Variants in PRUNE2 observed in about 807,000 individuals in gnomAD.
PRUNE2 encodes prune homolog 2 with BCH domain.
In PRUNE2, 164 loss-of-function variants were observed where a neutral mutation model predicts 252.0. That is an observed-to-expected ratio of 0.65 (90% CI 0.57 to 0.74). PRUNE2 has a LOEUF of 0.74. PRUNE2 is among the 30% of genes least tolerant of loss of function. The pLI is 0.00. For synonymous variants in PRUNE2, 1,292 were observed against 1,350.2 expected (o/e 0.96, Z 0.94); for missense variants, 3,495 against 3,711.0 (o/e 0.94, Z 1.51).
At chr9:76,764,766 T>C (rs915439479) in intron 6 of PRUNE2, among the ~76,000 whole-genome samples, 7 of 152,210 alleles carry the variant, frequency 4.6e-5, no homozygotes, top group Non-Finnish European at 1.0e-4. Flanking sequence ...AGGTGGTGGC[T>C]GGGCCTAGGC....
At chr9:76,639,475 AGT>A (rs2132701159) in intron 12 of PRUNE2, among the ~76,000 whole-genome samples, 1 of 152,262 alleles carries the variant, frequency 6.6e-6, no homozygotes, top group South Asian at 2.1e-4. Flanking sequence ...TGGGTGACAG[AGT>A]GAGATTCTGT....
At chr9:76,789,115 T>C (rs1187525243) in intron 6 of PRUNE2, among the ~76,000 whole-genome samples, 2 of 152,212 alleles carry the variant, frequency 1.3e-5, no homozygotes, top group Non-Finnish European at 2.9e-5. Context: ...AAAAGTACTT[T>C]GCATGCACAG....
At chr9:76,647,210 T>C (rs1845274191) in intron 11 of PRUNE2, among the ~76,000 whole-genome samples, 1 of 152,176 alleles carries the variant, frequency 6.6e-6, no homozygotes, top group Non-Finnish European at 1.5e-5. Context: ...TTCTTTATTA[T>C]GGTTATAGTA....
chr9:76,850,966 T>TTAAA (rs144680533), intron 2 of PRUNE2, among the ~76,000 whole-genome samples: 12,477 of 152,062 alleles, frequency 0.082, 682 homozygotes, highest in African/African-American at 0.15. Flanking sequence ...TGATTAAAAT[T>TTAAA]TAAATAGATA....
At chr9:76,855,449 T>C (rs2060204954) in intron 1 of PRUNE2, among the ~76,000 whole-genome samples, 1 of 152,076 alleles carries the variant, frequency 6.6e-6, no homozygotes, top group Non-Finnish European at 1.5e-5. Context: ...AAAAAAAGTG[T>C]TTATATGCAG....
intron 1 of PRUNE2, among the ~76,000 whole-genome samples, chr9:76,883,024 A>G (rs1482762269): frequency 6.6e-6 from 1 of 151,986 alleles, no homozygotes; most frequent in East Asian, 1.9e-4. Context: ...TCAGGCCTCA[A>G]TTTTCTCAAC....
At chr9:76,857,043 C>T (rs570862965) in intron 1 of PRUNE2, 9 of 455,806 alleles carry the variant, frequency 2.0e-5, no homozygotes, top group Non-Finnish European at 3.1e-5. Context: ...CGTGAGCCAC[C>T]GCGCCTGGCC....
rs116229794 is a variant in PRUNE2 at position 76,629,076 on chromosome 9, T to C, written c.9149+116A>G. ...CCAGGCTGATTGCAAACTCCTGGGCTCAACTGATTCTTCCACTCAGCCTCC... is the reference window on the plus strand; with the variant it reads ...CCAGGCTGATTGCAAACTCCTGGGCCCAACTGATTCTTCCACTCAGCCTCC... On this transcript the variant is annotated intron_variant, in intron 16 of 18. Coordinates refer to ENST00000376718, the MANE Select transcript of PRUNE2 (RefSeq NM_015225.3). 1.7e-3 allele frequency: 1,038 copies of C among 604,308 alleles called. 13 individuals carry two copies. In the African/African-American group the frequency reaches 0.018, roughly 10 times the overall value. The allele number at this position is 604,308 out of a possible 1,614,324, so 37.4% of individuals were successfully genotyped here. A position where few individuals can be genotyped will look rare whatever the true frequency, so the allele number is the denominator to read the frequency against.
rs951954826 is a variant in PRUNE2, at chr9:76,709,631, A to G, written c.2643T>C (p.Asn881=). Residue 881 remains asparagine (N), a synonymous_variant, in exon 8 of 19, where the codon AAT becomes AAC. Coordinates refer to ENST00000376718, the MANE Select transcript of PRUNE2 (RefSeq NM_015225.3). ...ATGTGTGATCCAGATCAGAACTGGG[A>G]TTTCCAGGTGCAAAGATGTGATCCC... The part of the protein sequence containing the change: ...DSRDHIFAPG[N]PSSDLDHTWT... The G allele has an allele frequency of 6.2e-7, 1 of 1,613,942 alleles. No homozygotes were observed. The highest frequency in any genetic ancestry group is 1.3e-5 in the African/African-American group (1 of 75,024).
intron 9 of PRUNE2, among the ~76,000 whole-genome samples, chr9:76,696,789 T>C (rs1196976668): frequency 1.3e-5 from 2 of 152,196 alleles, no homozygotes; most frequent in Non-Finnish European, 2.9e-5. Flanking sequence ...CGGGAGTGCC[T>C]CCCGCTGGCC....
intron 4 of PRUNE2, among the ~76,000 whole-genome samples, chr9:76,830,448 T>C (rs2058603915): frequency 6.6e-6 from 1 of 151,904 alleles, no homozygotes; most frequent in Admixed American, 6.6e-5. Flanking sequence ...CATCAGGAGT[T>C]TGAGACCAGC....
At chr9:76,670,398 C>G (rs1407166631) in intron 9 of PRUNE2, among the ~76,000 whole-genome samples, 3 of 152,008 alleles carry the variant, frequency 2.0e-5, no homozygotes, top group Non-Finnish European at 2.9e-5. Context: ...CTCGGAGGGT[C>G]CTACACCCAC....
intron 9 of PRUNE2, among the ~76,000 whole-genome samples, chr9:76,679,813 G>T (rs2043225888): frequency 6.6e-6 from 1 of 152,148 alleles, no homozygotes; most frequent in African/African-American, 2.4e-5. Context: ...ATATCCACAT[G>T]TAAAAGAATG....
chr9:76,701,343 C>G (rs1809762885), intron 9 of PRUNE2, among the ~76,000 whole-genome samples: 1 of 152,120 alleles, frequency 6.6e-6, no homozygotes. Context: ...GAAAATCTGC[C>G]CCATCCCCAT....
At position 76,850,555 on chromosome 9, in the gene PRUNE2, T is replaced by C. The variant is rs766312321; in HGVS notation, c.252A>G (p.Ser84=). ...TAATTTCATCCCGGAATATGTGGAA[T>C]GATTCGGAAATATTTAGCTCTTCTA... ...FILEELNISE[S]FHIFRDEINL... The change falls in exon 3 of 19, where the codon TCA becomes TCG. Residue 84 remains serine, a synonymous_variant. Coordinates refer to ENST00000376718, the MANE Select transcript of PRUNE2 (RefSeq NM_015225.3). The C allele has an allele frequency of 4.3e-6, 7 of 1,613,874 alleles. No homozygotes were observed. Among genetic ancestry groups the C allele is most frequent in the African/African-American group, 2.7e-5 (2 of 74,932 alleles).
chr9:76,820,558 C>T (rs866491878), intron 6 of PRUNE2, among the ~76,000 whole-genome samples: 2 of 152,146 alleles, frequency 1.3e-5, no homozygotes, highest in East Asian at 1.9e-4. Context: ...ACTTACACAA[C>T]GGTAGAATTA....
rs550060724 is a variant in PRUNE2 at position 76,705,686 on chromosome 9, G to A, written c.6588C>T (p.Asn2196=). 558 of 1,613,964 alleles carry A rather than the reference G, an allele frequency of 3.5e-4. 4 individuals are homozygous for A. In the South Asian group the frequency reaches 4.9e-3, roughly 14 times the overall value. Residue 2196 remains asparagine (N), a synonymous_variant, in exon 8 of 19, where the codon AAC becomes AAT. Coordinates refer to ENST00000376718, the MANE Select transcript of PRUNE2 (RefSeq NM_015225.3). ...HKGSPEPSEI[N]GDNSTGLQVS... The stretch of plus-strand genomic sequence containing the variant: ...CTTGTAAACCTGTACTGTTGTCACC[G>A]TTTATTTCAGAAGGTTCAGGTGAAC...
chr9:76,648,761 A>G (rs573871170), intron 11 of PRUNE2, among the ~76,000 whole-genome samples: 56 of 152,378 alleles, frequency 3.7e-4, no homozygotes, highest in African/African-American at 1.3e-3. Context: ...GCTTAAACAC[A>G]TAGAGTGCAC....
At position 76,709,697 on chromosome 9, in the gene PRUNE2, T is replaced by C. The variant is rs374449995; in HGVS notation, c.2577A>G (p.Glu859=). The C allele has an allele frequency of 2.0e-4, 323 of 1,613,902 alleles. 2 individuals are homozygous for C. The highest frequency in any genetic ancestry group is 1.0e-3 in the Admixed American group (62 of 60,006). Residue 859 remains glutamate (E), a synonymous_variant, in exon 8 of 19, where the codon GAA becomes GAG. Transcript: ENST00000376718. ...LDNSPSEINN[E]AAPEIWGKKN... ...TCTTGCCCCAGATTTCTGGAGCTGC[T>C]TCATTGTTTATCTCACTGGGTGAAT...
Sources: allele counts gnomAD v4.1 joint callset (sites outside exome capture counted in the v4.1 genomes callset), GRCh38; gene constraint gnomAD v4.1.1; transcripts MANE v1.5; gene names NCBI Gene and HGNC (gene_info 2026-07-23, HGNC 2026-07-21).